Variants in NLRX1 observed in about 807,000 individuals in gnomAD.
NLRX1 encodes NOD-like receptor X1.
In NLRX1, 67 loss-of-function variants were observed where a neutral mutation model predicts 74.2. The observed-to-expected ratio is 0.90, with a 90% CI of 0.74 to 1.11. The LOEUF is 1.11. Ranked by LOEUF, NLRX1 falls within the 50% of genes least tolerant of loss-of-function variation. The probability of loss-of-function intolerance (pLI) is 0.00; values close to 1 mark genes in which losing one functional copy is unlikely to be tolerated. For synonymous variants in NLRX1, 506 were observed against 559.1 expected, an observed-to-expected ratio of 0.91 and a Z score of 1.34; for missense variants, 1,191 against 1,305.4, an observed-to-expected ratio of 0.91 and a Z score of 1.35.
Position 119,183,453 on chromosome 11 carries a change from G to C in NLRX1, c.*14G>C. The C allele has an allele frequency of 6.2e-7, 1 of 1,605,124 alleles. No individual in the cohort carries two copies. The highest frequency in any genetic ancestry group is 1.7e-5 in the Admixed American group (1 of 59,168). ...TCTGGAAGCTGAGACACTGGCGGCA[G>C]GCACCTAGCTATGTGACCACTGGCC... On this transcript the variant is annotated 3_prime_UTR_variant, in exon 10 of 10. Coordinates refer to ENST00000409109, the MANE Select transcript of NLRX1 (RefSeq NM_001282144.2). The surrounding 1 kb of genome is among the most constrained non-coding windows in gnomAD (Gnocchi z 5.7).
rs556602737 is a variant in NLRX1 at position 119,179,780 on chromosome 11, G to A, written c.1759G>A (p.Asp587Asn). The stretch of plus-strand genomic sequence containing the variant: ...GGTGCTGGAGATGTTTCGAGAGGAG[G>A]ACTACTACAACGATGATGTTCTGGA... ...AMVLEMFREE[D>N]YYNDDVLDQM... The change falls in exon 7 of 10, where the codon GAC becomes AAC. Residue 587 changes from aspartate to asparagine, a missense_variant. Coordinates refer to ENST00000409109, the MANE Select transcript of NLRX1 (RefSeq NM_001282144.2). 4.7e-5 allele frequency: 76 copies of A among 1,614,222 alleles called. 2 individuals carry two copies. The South Asian group carries it at 8.2e-4, about 17-fold the overall frequency.
At position 119,172,985 on chromosome 11, in the gene NLRX1, A is replaced by C. The variant is rs767964708; in HGVS notation, c.225A>C (p.Ala75=). Residue 75 remains alanine (A), a synonymous_variant, in exon 4 of 10, where the codon GCA becomes GCC. Transcript: ENST00000409109. ...RHGRLFPSAS[A]TEAIQRHRRN... ...GACGGCTGTTCCCCAGCGCCTCTGC[A>C]ACTGGTAAAGGGACTGGCTGGGACC... 1 of 1,612,978 alleles carries C rather than the reference A, an allele frequency of 6.2e-7. No individual in the cohort carries two copies. Among genetic ancestry groups the C allele is most frequent in the Non-Finnish European group, 8.5e-7 (1 of 1,179,278 alleles).
In NLRX1 at chr11:119,179,840, C is replaced by A. The variant is rs370852951; in HGVS notation, c.1819C>A (p.Pro607Thr). ...CGCCAGTATCCTGGGCGTGGAGGGC[C>A]CCCGGCGCCACCCAGATGAGCCCCC... The part of the protein sequence containing the change: ...MGASILGVEG[P>T]RRHPDEPPED... Residue 607 changes from proline to threonine, a missense_variant, in exon 7 of 10, where the codon CCC becomes ACC. Physicochemically the swap from Pro to Thr is conservative, Grantham distance 38. Transcript: ENST00000409109. 1.2e-6 allele frequency: 2 copies of A among 1,613,810 alleles called. No homozygotes were observed. The highest frequency in any genetic ancestry group is 2.2e-5 in the East Asian group (1 of 44,846).
rs754696725 is a variant in NLRX1 at position 119,173,710 on chromosome 11, C to G, written c.461C>G (p.Ala154Gly). The stretch of plus-strand genomic sequence containing the variant: ...TTGTCTCAGCTCTTTAACCCGGATG[C>G]CTGTGGGCGCCGGGTGCAGACAGTG... Reference protein sequence around the residue: ...LALSQLFNPDACGRRVQTVVL... With the variant: ...LALSQLFNPDGCGRRVQTVVL... Residue 154 changes from alanine to glycine, a missense_variant, in exon 5 of 10, where the codon GCC becomes GGC. Transcript: ENST00000409109. This position sits in a 1 kb window ranked among gnomAD's most constrained non-coding sequence, Gnocchi z 4.0. 3.1e-6 allele frequency: 5 copies of G among 1,613,852 alleles called. No individual in the cohort carries two copies. The African/African-American group carries it at 5.3e-5, about 17-fold the overall frequency.
chr11:119,171,069 G>T (rs1948530935), intron 1 of NLRX1, among the ~76,000 whole-genome samples: 1 of 152,178 alleles, frequency 6.6e-6, no homozygotes, highest in Non-Finnish European at 1.5e-5. Flanking sequence ...CTTGGGCCCG[G>T]GAGGCATAGG....
rs1363663867 is a variant in NLRX1, at chr11:119,183,642, A to G, written c.*203A>G. ...TCTCCAAGTTAAAGATGGTGAATCA[A>G]TGCTTCGGGCTTGGAGATGGAACAT... is the stretch of plus-strand genomic sequence containing the variant. On this transcript the variant is annotated 3_prime_UTR_variant, in exon 10 of 10. Transcript: ENST00000409109. The surrounding 1 kb of genome is among the most constrained non-coding windows in gnomAD (Gnocchi z 5.7). 3 of 716,468 alleles carry G rather than the reference A, an allele frequency of 4.2e-6. No homozygotes were observed. The highest frequency in any genetic ancestry group is 5.3e-5 in the East Asian group (2 of 37,630). The allele number at this position is 716,468 out of a possible 1,614,324, so 44.4% of individuals were successfully genotyped here.
chr11:119,174,506 G>A lies in NLRX1; in HGVS notation c.903G>A (p.Lys301=). The change falls in exon 6 of 10, where the codon AAG becomes AAA. Residue 301 remains lysine, a synonymous_variant. Transcript: ENST00000409109. ...RPSAIGRIPS[K]YVGRYGEICG... is the part of the protein sequence containing the mutation. ...CTGCCATTGGCCGTATCCCCAGCAA[G>A]TACGTGGGCCGCTATGGTGAGATCT... 1.9e-6 allele frequency: 3 copies of A among 1,614,218 alleles called. No individual in the cohort carries two copies. Among genetic ancestry groups the A allele is most frequent in the Non-Finnish European group, 2.5e-6 (3 of 1,180,042 alleles).
chr11:119,170,509 A>G (rs1219857788), intron 1 of NLRX1, among the ~76,000 whole-genome samples: 1 of 152,224 alleles, frequency 6.6e-6, no homozygotes, highest in Non-Finnish European at 1.5e-5. Context: ...AGTTTGAAGC[A>G]GTGGCAGGTT....
Position 119,173,326 on chromosome 11 carries a change from T to G in NLRX1, c.230-153T>G. On this transcript the variant is annotated intron_variant, in intron 4 of 9. Coordinates refer to ENST00000409109, the MANE Select transcript of NLRX1 (RefSeq NM_001282144.2). The surrounding 1 kb of genome is among the most constrained non-coding windows in gnomAD (Gnocchi z 4.0). The stretch of plus-strand genomic sequence containing the variant: ...GGGGTTCCAGACTTTCTGGACAGTC[T>G]ATATTTTCTCAGGGAGTCTTGTGTG... 1.2e-6 allele frequency: 1 copy of G among 852,726 alleles called. No individual in the cohort carries two copies. Among genetic ancestry groups the G allele is most frequent in the South Asian group, 1.6e-5 (1 of 61,078 alleles). The allele number at this position is 852,726 out of a possible 1,614,324, so 52.8% of individuals were successfully genotyped here.
chr11:119,177,060 G>T (rs1948718077), intron 6 of NLRX1, among the ~76,000 whole-genome samples: 1 of 151,956 alleles, frequency 6.6e-6, no homozygotes, highest in Non-Finnish European at 1.5e-5. Flanking sequence ...CTAGGACATG[G>T]TAAGTGCTAT....
rs753812580 is a variant in NLRX1 at position 119,183,576 on chromosome 11, T to C, written c.*137T>C. The C allele has an allele frequency of 2.0e-5, 18 of 882,184 alleles. No homozygotes were observed. The highest frequency in any genetic ancestry group is 3.1e-5 in the Non-Finnish European group (17 of 550,204). The allele number at this position is 882,184 out of a possible 1,614,324, so 54.6% of individuals were successfully genotyped here. On this transcript the variant is annotated 3_prime_UTR_variant, in exon 10 of 10. Transcript: ENST00000409109. This position sits in a 1 kb window ranked among gnomAD's most constrained non-coding sequence, Gnocchi z 5.7. ...AGAGGAATGGGCATAGCTGAGCCAG[T>C]TGCCCTCCTAGGGCATGTTTGACCA...
rs1948551445 is a variant in NLRX1 at position 119,171,608 on chromosome 11, G to C, written c.70+135G>C. On this transcript the variant is annotated intron_variant, in intron 2 of 9. Coordinates refer to ENST00000409109, the MANE Select transcript of NLRX1 (RefSeq NM_001282144.2). ...CCGTGGTTCTCTAGCTGTTGACCTT[G>C]AGCATGTCGCTTCACCTTCCTCAGC... 2.0e-5 allele frequency: 12 copies of C among 612,672 alleles called. No homozygotes were observed. The South Asian group carries it at 2.4e-4, about 12-fold the overall frequency. 38.0% of individuals were successfully genotyped at this position (612,672 alleles called of 1,614,324 possible).
chr11:119,179,361 G>A (rs1948770642), intron 6 of NLRX1, among the ~76,000 whole-genome samples: 1 of 152,198 alleles, frequency 6.6e-6, no homozygotes, highest in African/African-American at 2.4e-5. Context: ...TGGGCCAGGT[G>A]CAGTGGCTTA....
chr11:119,175,977 T>C (rs1357631932), intron 6 of NLRX1, among the ~76,000 whole-genome samples: 1 of 152,200 alleles, frequency 6.6e-6, no homozygotes, highest in Non-Finnish European at 1.5e-5. Flanking sequence ...TGATCCCTTT[T>C]ATAGATGAAT....
rs746466448 is a variant in NLRX1, at chr11:119,183,660, T to C, written c.*221T>C. ...TGAATCAATGCTTCGGGCTTGGAGA[T>C]GGAACATGCCTCCTCTCCATTCAGC... is the stretch of plus-strand genomic sequence containing the variant. On this transcript the variant is annotated 3_prime_UTR_variant, in exon 10 of 10. Coordinates refer to ENST00000409109, the MANE Select transcript of NLRX1 (RefSeq NM_001282144.2). This position sits in a 1 kb window ranked among gnomAD's most constrained non-coding sequence, Gnocchi z 5.7. 6.9e-6 allele frequency: 5 copies of C among 725,174 alleles called. No homozygotes were observed. The East Asian group carries it at 7.8e-5, about 11-fold the overall frequency. 44.9% of individuals were successfully genotyped at this position (725,174 alleles called of 1,614,324 possible).
chr11:119,180,868 C>T (rs1948820533), intron 7 of NLRX1, among the ~76,000 whole-genome samples: 1 of 151,958 alleles, frequency 6.6e-6, no homozygotes, highest in African/African-American at 2.4e-5. Flanking sequence ...TAGCAAGACC[C>T]TGTCTCTACA....
intron 5 of NLRX1, 115 bp from the exon 6 acceptor site, chr11:119,174,338 T>G: frequency 8.6e-7 from 1 of 1,166,372 alleles, no homozygotes; most frequent in East Asian, 2.3e-5. Flanking sequence ...GTTATAACTG[T>G]TATCCTCATC....
intron 1 of NLRX1, among the ~76,000 whole-genome samples, chr11:119,171,114 G>A (rs1240156862): frequency 6.6e-6 from 1 of 152,172 alleles, no homozygotes; most frequent in Non-Finnish European, 1.5e-5. Flanking sequence ...GGGCAACAGA[G>A]GGGCACTCCA....
Position 119,173,245 on chromosome 11 carries a change from G to A in NLRX1, c.230-234G>A, listed in dbSNP as rs993153258. On this transcript the variant is annotated intron_variant, in intron 4 of 9. Coordinates refer to ENST00000409109, the MANE Select transcript of NLRX1 (RefSeq NM_001282144.2). The surrounding 1 kb of genome is among the most constrained non-coding windows in gnomAD (Gnocchi z 4.0). ...AAAGTTGGGTCAAGCAGGTTAAGAC[G>A]GCACATAGGTCACTGTGAAACCAGT... The A allele has an allele frequency of 8.0e-6, 5 of 627,826 alleles. No individual in the cohort carries two copies. Among genetic ancestry groups the A allele is most frequent in the African/African-American group, 1.8e-5 (1 of 54,226 alleles). The allele number at this position is 627,826 out of a possible 1,614,324, so 38.9% of individuals were successfully genotyped here.
Sources: gnomAD v4.1 joint callset for allele counts (sites outside exome capture counted in the v4.1 genomes callset) on GRCh38, gnomAD v4.1.1 for gene constraint, Gnocchi (gnomAD v3.1) non-coding constraint, MANE v1.5 for transcripts, NCBI Gene and HGNC (gene_info 2026-07-23, HGNC 2026-07-21) for gene names.